Variants in ATAD3B observed in about 807,000 individuals in gnomAD.
The protein encoded by ATAD3B is ATPase family AAA domain containing 3B.
ATAD3B carries 59 observed loss-of-function variants against 70.2 expected under a neutral mutation model. The ratio of observed to expected loss-of-function variants is 0.84; its 90% CI spans 0.68 to 1.04. The LOEUF (loss-of-function observed/expected upper bound fraction) is 1.04, where lower values mean the gene tolerates loss of function less well. Ranked by LOEUF, ATAD3B falls within the 50% of genes least tolerant of loss-of-function variation. ATAD3B has a pLI of 0.00. For missense variants in ATAD3B, 961 were observed against 913.4 expected, an observed-to-expected ratio of 1.05 and a Z score of -0.67; for synonymous variants, 423 against 388.6, an observed-to-expected ratio of 1.09 and a Z score of -1.04.
chr1:1,483,059 C>CGGAGGT, intron 7 of ATAD3B: 1 of 454,586 alleles, frequency 2.2e-6, no homozygotes, highest in Non-Finnish European at 4.4e-6. Context: ...TTTTCGGAGG[C>CGGAGGT]GGAGGTGGGC....
rs1339875117 is a variant in ATAD3B, at chr1:1,471,782, GTC to G, written c.-102_-101del. On this transcript the variant is annotated 5_prime_UTR_variant, in exon 1 of 16. Coordinates refer to ENST00000673477, the MANE Select transcript of ATAD3B (RefSeq NM_031921.6). ...GGGTGTGTGTTTCGCCTGCGCAGTG[GTC>G]CTGGCCACCGGCTCGCGGCGCGTGG... 459 of 1,218,040 alleles carry G rather than the reference GTC, an allele frequency of 3.8e-4. 7 individuals carry two copies. The highest frequency in any genetic ancestry group is 4.7e-4 in the Admixed American group (11 of 23,584). The allele number at this position is 1,218,040 out of a possible 1,614,324, so 75.5% of individuals were successfully genotyped here.
the ATAD3B span, among the ~76,000 whole-genome samples, chr1:1,507,880 G>A: frequency 1.3e-5 from 2 of 152,232 alleles, no homozygotes; most frequent in African/African-American, 2.4e-5. Context: ...GAGCTCCCGG[G>A]CCTGGGGCCT....
chr1:1,502,507 A>ATT (rs1177153786), downstream of ATAD3B, among the ~76,000 whole-genome samples: 55 of 82,794 alleles, frequency 6.6e-4, no homozygotes, highest in Non-Finnish European at 1.2e-3. Context: ...CGTGCCCAGC[A>ATT]TTTTTTTTTT....
At chr1:1,494,429 C>T (rs1208952599) in intron 15 of ATAD3B, among the ~76,000 whole-genome samples, 1 of 151,652 alleles carries the variant, frequency 6.6e-6, no homozygotes, top group Non-Finnish European at 1.5e-5. Context: ...GCCACAGTGG[C>T]GGTGCGGCTC....
intron 5 of ATAD3B, 114 bp downstream of exon 5, chr1:1,481,050 G>C: frequency 6.6e-7 from 1 of 1,510,694 alleles, no homozygotes; most frequent in East Asian, 2.5e-5. Context: ...CCAGTGCAGT[G>C]GGCGAGGCCT....
At position 1,486,248 on chromosome 1, in the gene ATAD3B, G is replaced by T; in HGVS notation, c.1089+13G>T. 6.2e-7 allele frequency: 1 copy of T among 1,612,598 alleles called. No individual in the cohort carries two copies. The highest frequency in any genetic ancestry group is 8.5e-7 in the Non-Finnish European group (1 of 1,179,568). ...GCTGTTTGCCAAGGTGAGAGCGCCT[G>T]GCTGAACAGGTGGGCCAGGGGCCGC... On this transcript the variant is annotated intron_variant, in intron 10 of 15. Coordinates refer to ENST00000673477, the MANE Select transcript of ATAD3B (RefSeq NM_031921.6).
At position 1,496,937 on chromosome 1, in the gene ATAD3B, G is replaced by A. The variant is rs1557437501; in HGVS notation, c.*1120G>A. On this transcript the variant is annotated 3_prime_UTR_variant, in exon 16 of 16. Transcript: ENST00000673477. ...GAAACCTTTGCTTTGGGGGCAGGGT[G>A]GGGTGCAGGGGTGGTTGGGGGAATC... is the stretch of plus-strand genomic sequence containing the variant. 1.4e-5 allele frequency: 2 copies of A among 140,754 alleles called. No homozygotes were observed. Among genetic ancestry groups the A allele is most frequent in the East Asian group, 2.3e-4 (1 of 4,414 alleles). The allele number at this position is 140,754 out of a possible 1,614,324, so 8.7% of individuals were successfully genotyped here.
chr1:1,489,137 A>G (rs534275539), intron 12 of ATAD3B, 67 bp from the exon 13 acceptor site: 3 of 1,608,690 alleles, frequency 1.9e-6, no homozygotes, highest in Admixed American at 3.3e-5. Context: ...GGCCTGTGGG[A>G]CTTTCTGCTC....
At position 1,495,636 on chromosome 1, in the gene ATAD3B, A is replaced by C; in HGVS notation, c.1766A>C (p.Gln589Pro). 1.9e-6 allele frequency: 3 copies of C among 1,612,980 alleles called. No homozygotes were observed. The highest frequency in any genetic ancestry group is 2.5e-6 in the Non-Finnish European group (3 of 1,179,394). Reference sequence around the variant, plus strand: ...GTCGAGCACCCCCTATCCGGAGTCCAAGGCGAGACCCTCACCTCATGGAGC... The same window carrying C: ...GTCGAGCACCCCCTATCCGGAGTCCCAGGCGAGACCCTCACCTCATGGAGC... The part of the protein sequence containing the change: ...RGVEHPLSGV[Q>P]GETLTSWSLA... The change falls in exon 16 of 16, where the codon CAA becomes CCA. Residue 589 changes from glutamine to proline, a missense_variant. Coordinates refer to ENST00000673477, the MANE Select transcript of ATAD3B (RefSeq NM_031921.6).
Position 1,485,986 on chromosome 1 carries a change from G to A in ATAD3B, c.964-124G>A, listed in dbSNP as rs1640190603. The A allele has an allele frequency of 4.4e-6, 7 of 1,589,708 alleles. No homozygotes were observed. The Admixed American group carries it at 6.9e-5, about 16-fold the overall frequency. On this transcript the variant is annotated intron_variant, in intron 9 of 15. Coordinates refer to ENST00000673477, the MANE Select transcript of ATAD3B (RefSeq NM_031921.6). The stretch of plus-strand genomic sequence containing the variant: ...CTTGGACTGTGCCGGGGATAGATAG[G>A]CTGCCCACGAGCTGGGCGGCTTCCT...
At chr1:1,494,587 T>G (rs1640688053) in intron 15 of ATAD3B, among the ~76,000 whole-genome samples, 1 of 151,402 alleles carries the variant, frequency 6.6e-6, no homozygotes. Context: ...TGGCGAGGGG[T>G]GGGCGCTGGC....
chr1:1,487,525 C>T (rs1426111633), intron 11 of ATAD3B, among the ~76,000 whole-genome samples: 1 of 151,286 alleles, frequency 6.6e-6, no homozygotes, highest in East Asian at 1.9e-4. Flanking sequence ...TGCGTGGACT[C>T]TTGAGCACTG....
At chr1:1,487,591 G>T (rs1370208116) in intron 11 of ATAD3B, among the ~76,000 whole-genome samples, 7 of 151,796 alleles carry the variant, frequency 4.6e-5, no homozygotes, top group Non-Finnish European at 8.8e-5. Context: ...CCCCATGTGT[G>T]GTTGGCTGGT....
At position 1,481,100 on chromosome 1, in the gene ATAD3B, C is replaced by T. The variant is rs549253690; in HGVS notation, c.514+164C>T. 2.8e-5 allele frequency among the ~76,000 whole-genome samples: 4 copies of T among 141,390 alleles called. No homozygotes were observed. In the South Asian group the frequency reaches 9.0e-4, roughly 32 times the overall value. 92.8% of individuals were successfully genotyped at this position (141,390 alleles called of 152,430 possible). A position where few individuals can be genotyped will look rare whatever the true frequency, so the allele number is the denominator to read the frequency against. On this transcript the variant is annotated intron_variant, in intron 5 of 15. Transcript: ENST00000673477. ...GGGTGGGGCTCCCTCTCGGAAGACA[C>T]CTCTGTCTGCGAGTGGACGCCAGGA...
downstream of ATAD3B, among the ~76,000 whole-genome samples, chr1:1,499,696 C>T (rs530435671): frequency 4.0e-4 from 58 of 145,160 alleles, no homozygotes; most frequent in African/African-American, 1.0e-3. Context: ...CGGGTTCAAG[C>T]GATTCTCCTT....
chr1:1,500,311 G>A (rs1320764621), downstream of ATAD3B, among the ~76,000 whole-genome samples: 1 of 150,906 alleles, frequency 6.6e-6, no homozygotes, highest in Non-Finnish European at 1.5e-5. Flanking sequence ...CCAGCACTTT[G>A]GGAGGCCGAG....
downstream of ATAD3B, among the ~76,000 whole-genome samples, chr1:1,500,485 G>A (rs1640919172): frequency 1.4e-5 from 2 of 145,512 alleles, no homozygotes; most frequent in Non-Finnish European, 1.5e-5. Context: ...CCAGGAGGCG[G>A]AGCTTGCAGT....
chr1:1,485,982 A>G, intron 9 of ATAD3B, 128 bp from the exon 10 acceptor site: 1 of 1,589,864 alleles, frequency 6.3e-7, no homozygotes, highest in Non-Finnish European at 8.6e-7. Flanking sequence ...CCGGGGATAG[A>G]TAGGCTGCCC....
rs545881885 is a variant in ATAD3B at position 1,486,405 on chromosome 1, G to A, written c.1090-139G>A. 61 of 1,588,856 alleles carry A rather than the reference G, an allele frequency of 3.8e-5. 2 individuals carry two copies. The highest frequency in any genetic ancestry group is 6.9e-5 in the African/African-American group (5 of 72,728). ...CAGCAGCGCCTCCCATCTTCCAGGC[G>A]GGGGACGTCTCCTGTCTGGCAGGCT... On this transcript the variant is annotated intron_variant, in intron 10 of 15. Coordinates refer to ENST00000673477, the MANE Select transcript of ATAD3B (RefSeq NM_031921.6).
Sources: gnomAD v4.1 joint callset for allele counts (sites outside exome capture counted in the v4.1 genomes callset) on GRCh38, gnomAD v4.1.1 for gene constraint, MANE v1.5 for transcripts, NCBI Gene and HGNC (gene_info 2026-07-23, HGNC 2026-07-21) for gene names.